FAM13A: variants seen among roughly 807,000 people sequenced by gnomAD.
The protein encoded by FAM13A is protein FAM13A.
A neutral mutation model predicts 129.6 loss-of-function variants in FAM13A; 76 were observed. That is an observed-to-expected ratio of 0.59 (90% CI 0.49 to 0.71). FAM13A has a LOEUF of 0.71. Among genes scored for constraint, FAM13A ranks in the 30% least tolerant of loss-of-function variants. The pLI is 0.00. For missense variants in FAM13A, 1,108 were observed against 1,249.3 expected (o/e 0.89, Z 1.70); for synonymous variants, 443 against 449.9 (o/e 0.98, Z 0.20).
chr4:88,775,661 C>T (rs1290923202), intron 11 of FAM13A, among the ~76,000 whole-genome samples: 1 of 152,072 alleles, frequency 6.6e-6, no homozygotes, highest in East Asian at 1.9e-4. Flanking sequence ...GAGCTTTGAT[C>T]ATGCCACTGT....
chr4:88,957,426 C>A (rs1050754736), intron 4 of FAM13A, among the ~76,000 whole-genome samples: 1 of 152,200 alleles, frequency 6.6e-6, no homozygotes, highest in South Asian at 2.1e-4. Flanking sequence ...TAGAAGCTGA[C>A]CTGATGCCAG....
At chr4:89,013,326 G>GTATA (rs146908296) in intron 3 of FAM13A, among the ~76,000 whole-genome samples, 3,229 of 148,410 alleles carry the variant, frequency 0.022, 48 homozygotes, top group South Asian at 0.075. Context: ...ATATAACACA[G>GTATA]TATATATACA....
chr4:88,992,987 C>T (rs1014849882), intron 3 of FAM13A, among the ~76,000 whole-genome samples: 1 of 152,024 alleles, frequency 6.6e-6, no homozygotes, highest in African/African-American at 2.4e-5. Context: ...TACAAAGCAC[C>T]TGGATAACAT....
At chr4:88,972,504 T>C (rs932835545) in intron 4 of FAM13A, among the ~76,000 whole-genome samples, 4 of 151,968 alleles carry the variant, frequency 2.6e-5, no homozygotes, top group African/African-American at 7.3e-5. Flanking sequence ...TATCACCATG[T>C]TGGCCAGGCT....
chr4:88,777,073 A>G (rs535297229), intron 11 of FAM13A, among the ~76,000 whole-genome samples: 3 of 152,272 alleles, frequency 2.0e-5, no homozygotes, highest in East Asian at 3.9e-4. Context: ...ATGTGTTGTG[A>G]TTTTTGACTC....
chr4:88,900,502 T>TA (rs1234763556), intron 6 of FAM13A, among the ~76,000 whole-genome samples: 16 of 151,734 alleles, frequency 1.1e-4, no homozygotes, highest in African/African-American at 3.6e-4. Flanking sequence ...TCAACATTCT[T>TA]AAAAAAAAGA....
chr4:88,859,394 TC>T (rs1739105432), intron 6 of FAM13A, among the ~76,000 whole-genome samples: 1 of 152,074 alleles, frequency 6.6e-6, no homozygotes, highest in African/African-American at 2.4e-5. Flanking sequence ...TAGTCAGGAC[TC>T]TCAGCCCGTC....
At chr4:88,892,458 C>T (rs1384231404) in intron 6 of FAM13A, among the ~76,000 whole-genome samples, 6 of 152,056 alleles carry the variant, frequency 3.9e-5, no homozygotes, top group African/African-American at 7.2e-5. Context: ...GGATTACAGG[C>T]GTGAGCCACT....
chr4:89,020,334 C>G, intron 3 of FAM13A, 126 bp downstream of exon 3: 7 of 409,272 alleles, frequency 1.7e-5, no homozygotes, highest in East Asian at 1.1e-4. Flanking sequence ...CCACGGTGGT[C>G]TTCAACTCCT....
intron 5 of FAM13A, among the ~76,000 whole-genome samples, chr4:88,919,890 G>C (rs1750736615): frequency 6.6e-6 from 1 of 152,260 alleles, no homozygotes; most frequent in African/African-American, 2.4e-5. Context: ...CGCACCAGGA[G>C]ATTATATCGC....
intron 7 of FAM13A, chr4:88,823,508 C>T (rs568374665): frequency 6.0e-6 from 1 of 166,020 alleles, no homozygotes; most frequent in African/African-American, 2.4e-5. Context: ...CCAATAACTG[C>T]AGCAAGAGCC....
At chr4:88,766,897 T>C (rs907417747) in intron 13 of FAM13A, among the ~76,000 whole-genome samples, 6 of 152,174 alleles carry the variant, frequency 3.9e-5, no homozygotes, top group African/African-American at 1.4e-4. Context: ...TGGAAGTATT[T>C]GGAGGTAGCA....
intron 4 of FAM13A, among the ~76,000 whole-genome samples, chr4:88,949,874 T>C (rs1275773512): frequency 6.6e-6 from 1 of 152,196 alleles, no homozygotes; most frequent in East Asian, 1.9e-4. Context: ...TCATGAGTGC[T>C]TCTCAAAAGC....
At chr4:88,853,699 G>A (rs1435492402) in intron 6 of FAM13A, among the ~76,000 whole-genome samples, 1 of 152,220 alleles carries the variant, frequency 6.6e-6, no homozygotes, top group Admixed American at 6.5e-5. Context: ...GCAAAGTACT[G>A]TTCCTGGGTG....
At chr4:88,769,923 G>A (rs1040206013) in intron 11 of FAM13A, among the ~76,000 whole-genome samples, 1 of 151,878 alleles carries the variant, frequency 6.6e-6, no homozygotes, top group Admixed American at 6.6e-5. Context: ...TGATGTTATT[G>A]TTTCTGAAGC....
intron 6 of FAM13A, among the ~76,000 whole-genome samples, chr4:88,866,789 T>C (rs1283202066): frequency 1.3e-5 from 2 of 152,186 alleles, no homozygotes; most frequent in Non-Finnish European, 2.9e-5. Context: ...TTAAATAGAA[T>C]GTTTTAGAGA....
intron 3 of FAM13A, among the ~76,000 whole-genome samples, chr4:89,011,591 AC>A (rs1765742657): frequency 6.6e-6 from 1 of 152,046 alleles, no homozygotes; most frequent in Non-Finnish European, 1.5e-5. Flanking sequence ...TTAATTTAAC[AC>A]TAATATTCAA....
At position 88,866,338 on chromosome 4, in the gene FAM13A, G is replaced by A. The variant is rs34380361; in HGVS notation, c.844-15155C>T. Among the ~76,000 whole-genome samples the A allele has an allele frequency of 2.8e-3, 419 of 152,134 alleles. 4 individuals carry two copies. Among genetic ancestry groups the A allele is most frequent in the Admixed American group, 4.6e-3 (71 of 15,270 alleles). On this transcript the variant is annotated intron_variant, in intron 6 of 23. Transcript: ENST00000264344. ...TGGGATTACAGGCGTGAGGCACTGC[G>A]CCCGGCCTAATTTTTGTATTTTTAG...
chr4:89,019,457 T>C (rs745337553), intron 3 of FAM13A, among the ~76,000 whole-genome samples: 1 of 152,156 alleles, frequency 6.6e-6, no homozygotes, highest in Non-Finnish European at 1.5e-5. Context: ...CTATAATTAT[T>C]ACACTTAAAA....
Sources: allele counts gnomAD v4.1 joint callset (sites outside exome capture counted in the v4.1 genomes callset), GRCh38; gene constraint gnomAD v4.1.1; transcripts MANE v1.5; gene names NCBI Gene and HGNC (gene_info 2026-07-23, HGNC 2026-07-21).